Variants in SOX5 observed in about 807,000 individuals in gnomAD.
SOX5 encodes the protein SRY-box transcription factor 5, also known as transcription factor SOX-5.
SOX5 carries 9 observed loss-of-function variants against 92.0 expected under a neutral mutation model. That is an observed-to-expected ratio of 0.10 (90% CI 0.06 to 0.17). SOX5 has a LOEUF of 0.17. SOX5 is among the 10% of genes least tolerant of loss of function. The probability of loss-of-function intolerance (pLI) is 1.00; values close to 1 mark genes in which losing one functional copy is unlikely to be tolerated. For synonymous variants in SOX5, 344 were observed against 336.3 expected, an observed-to-expected ratio of 1.02 and a Z score of -0.25; for missense variants, 642 against 944.5, an observed-to-expected ratio of 0.68 and a Z score of 4.20.
At position 23,864,374 on chromosome 12, in the gene SOX5, G is replaced by A. The variant is rs188304277; in HGVS notation, c.271-18181C>T. 1.3e-4 allele frequency among the ~76,000 whole-genome samples: 20 copies of A among 152,216 alleles called. No homozygotes were observed. In the East Asian group the frequency reaches 1.9e-3, roughly 15 times the overall value. ...GTTCAAGTAAAAGGATGGGTTGCAC[G>A]TCTTTCACTTTAACTCAAAAGCTAG... On this transcript the variant is annotated intron_variant, in intron 2 of 14. Coordinates refer to ENST00000451604, the MANE Select transcript of SOX5 (RefSeq NM_006940.6).
intron 3 of SOX5, among the ~76,000 whole-genome samples, chr12:23,826,895 C>T (rs1000033898): frequency 1.2e-4 from 18 of 152,252 alleles, no homozygotes; most frequent in Admixed American, 5.2e-4. Context: ...GATTTAATTC[C>T]GTGAAACAGT....
At chr12:24,453,309 C>A (rs1348603629) in intron 1 of SOX5, among the ~76,000 whole-genome samples, 1 of 151,932 alleles carries the variant, frequency 6.6e-6, no homozygotes, top group Non-Finnish European at 1.5e-5. Context: ...AAAAAAAAAT[C>A]TGATTTCTTA....
intron 4 of SOX5, among the ~76,000 whole-genome samples, chr12:24,021,453 C>T (rs1374164957): frequency 6.6e-6 from 1 of 152,046 alleles, no homozygotes; most frequent in African/African-American, 2.4e-5. Context: ...TTACATACAC[C>T]ACAGCATTAA....
intron 5 of SOX5, among the ~76,000 whole-genome samples, chr12:23,737,396 C>T (rs1051369119): frequency 1.3e-5 from 2 of 152,010 alleles, no homozygotes; most frequent in African/African-American, 4.8e-5. Flanking sequence ...AAAAATTAGC[C>T]AGGCATGGTG....
At chr12:23,704,969 T>C (rs1257560381) in intron 6 of SOX5, among the ~76,000 whole-genome samples, 1 of 151,756 alleles carries the variant, frequency 6.6e-6, no homozygotes, top group African/African-American at 2.4e-5. Context: ...CAGATGTTAC[T>C]TGAATATTTC....
At chr12:24,549,053 T>TAGCA (rs2138918901) in intron 1 of SOX5, among the ~76,000 whole-genome samples, 1 of 152,276 alleles carries the variant, frequency 6.6e-6, no homozygotes, top group East Asian at 1.9e-4. Context: ...CCCTCCCTCT[T>TAGCA]TGGAAACCTT....
At chr12:23,830,651 T>C (rs958997115) in intron 3 of SOX5, among the ~76,000 whole-genome samples, 18 of 152,162 alleles carry the variant, frequency 1.2e-4, no homozygotes, top group Non-Finnish European at 4.4e-5. Flanking sequence ...CAAATGCGAT[T>C]TTAAAACAAG....
At chr12:23,691,237 T>C (rs2140034376) in intron 6 of SOX5, among the ~76,000 whole-genome samples, 1 of 152,290 alleles carries the variant, frequency 6.6e-6, no homozygotes, top group Admixed American at 6.5e-5. Flanking sequence ...CAGCAATGAG[T>C]ACCACAAGAT....
chr12:24,552,930 G>A (rs1161065958), intron 1 of SOX5, among the ~76,000 whole-genome samples: 1 of 145,038 alleles, frequency 6.9e-6, no homozygotes, highest in Non-Finnish European at 1.5e-5. Context: ...TACTCAGGAG[G>A]CCGAGGTAGG....
chr12:24,060,623 A>G (rs1304681668), intron 4 of SOX5, among the ~76,000 whole-genome samples: 1 of 152,194 alleles, frequency 6.6e-6, no homozygotes, highest in Admixed American at 6.5e-5. Flanking sequence ...TTCTCAAACA[A>G]GAGTTAGGCA....
At chr12:23,658,058 G>A (rs2082537989) in intron 7 of SOX5, among the ~76,000 whole-genome samples, 1 of 151,942 alleles carries the variant, frequency 6.6e-6, no homozygotes, top group African/African-American at 2.4e-5. Flanking sequence ...GGTGGAAGTT[G>A]GATTAAATGC....
intron 8 of SOX5, among the ~76,000 whole-genome samples, chr12:23,625,697 C>T (rs1250636146): frequency 6.6e-6 from 1 of 152,160 alleles, no homozygotes; most frequent in Non-Finnish European, 1.5e-5. Context: ...GCAACCTCTG[C>T]GTCCTGGGTT....
intron 1 of SOX5, among the ~76,000 whole-genome samples, chr12:24,536,251 G>A (rs1468849835): frequency 6.6e-6 from 1 of 152,156 alleles, no homozygotes; most frequent in East Asian, 1.9e-4. Flanking sequence ...AGTTTAAGTG[G>A]GAAAGCTAAG....
chr12:24,181,743 T>C (rs573344688), intron 4 of SOX5, among the ~76,000 whole-genome samples: 1 of 152,308 alleles, frequency 6.6e-6, no homozygotes, highest in East Asian at 1.9e-4. Context: ...TGTGTTAAGT[T>C]CTAGGAGGCA....
chr12:23,598,182 T>G (rs1952781713), intron 9 of SOX5, among the ~76,000 whole-genome samples: 1 of 152,132 alleles, frequency 6.6e-6, no homozygotes, highest in Non-Finnish European at 1.5e-5. Context: ...ATTCTAAAAC[T>G]TTAACATATT....
intron 4 of SOX5, among the ~76,000 whole-genome samples, chr12:24,126,148 G>A (rs554492037): frequency 6.6e-6 from 1 of 152,286 alleles, no homozygotes; most frequent in African/African-American, 2.4e-5. Context: ...TCAGGGCTAT[G>A]TCTGTATGTA....
chr12:24,089,348 C>A (rs905187855), intron 4 of SOX5, among the ~76,000 whole-genome samples: 1 of 152,022 alleles, frequency 6.6e-6, no homozygotes, highest in African/African-American at 2.4e-5. Context: ...GTCGTCATTA[C>A]AAATGATAGC....
At chr12:24,325,395 A>G (rs1237194356) in intron 2 of SOX5, among the ~76,000 whole-genome samples, 3 of 152,184 alleles carry the variant, frequency 2.0e-5, no homozygotes, top group Non-Finnish European at 4.4e-5. Context: ...TATCTCAGAT[A>G]TGATATTTCA....
At chr12:23,644,183 T>G (rs1163237928) in intron 7 of SOX5, among the ~76,000 whole-genome samples, 1 of 152,216 alleles carries the variant, frequency 6.6e-6, no homozygotes, top group East Asian at 1.9e-4. Flanking sequence ...GGTTGTGAGC[T>G]GCTCTGTGGA....
Sources: gnomAD v4.1 joint callset for allele counts (sites outside exome capture counted in the v4.1 genomes callset) on GRCh38, gnomAD v4.1.1 for gene constraint, MANE v1.5 for transcripts, NCBI Gene and HGNC (gene_info 2026-07-23, HGNC 2026-07-21) for gene names.